Variants in ARHGEF4 observed in about 807,000 individuals in gnomAD.
ARHGEF4 encodes APC-stimulated guanine nucleotide exchange factor 1.
ARHGEF4 carries 119 observed loss-of-function variants against 162.0 expected under a neutral mutation model. The ratio of observed to expected loss-of-function variants is 0.73; its 90% CI spans 0.63 to 0.86. The LOEUF (loss-of-function observed/expected upper bound fraction) is 0.86. Ranked by LOEUF, ARHGEF4 falls within the 40% of genes least tolerant of loss-of-function variation. ARHGEF4 has a pLI of 0.00. For synonymous variants in ARHGEF4, 1,014 were observed against 979.9 expected (o/e 1.03, Z -0.65); for missense variants, 2,488 against 2,456.0 (o/e 1.01, Z -0.28).
At chr2:130,870,294 T>A (rs1678376622) in intron 1 of ARHGEF4, among the ~76,000 whole-genome samples, 1 of 152,052 alleles carries the variant, frequency 6.6e-6, no homozygotes, top group Admixed American at 6.5e-5. Flanking sequence ...GGTAGGCCCT[T>A]TGGTAGGACT....
At chr2:130,885,736 AT>A (rs1175821056) in intron 1 of ARHGEF4, among the ~76,000 whole-genome samples, 1 of 150,852 alleles carries the variant, frequency 6.6e-6, no homozygotes, top group Non-Finnish European at 1.5e-5. Flanking sequence ...TGCCTGGCTA[AT>A]TTTTTTGTAT....
intron 11 of ARHGEF4, 143 bp from the exon 12 acceptor site, chr2:131,044,156 C>A: frequency 8.0e-7 from 1 of 1,252,810 alleles, no homozygotes; most frequent in Non-Finnish European, 1.1e-6. Context: ...AAGGCATGCT[C>A]TGCCCTCAGG....
intron 4 of ARHGEF4, among the ~76,000 whole-genome samples, chr2:131,023,978 G>T (rs1355330882): frequency 2.6e-5 from 4 of 152,214 alleles, no homozygotes; most frequent in African/African-American, 9.6e-5. Flanking sequence ...ACACATAGCA[G>T]CTGGGATAGA....
chr2:130,992,498 G>C (rs1350803995), intron 4 of ARHGEF4, among the ~76,000 whole-genome samples: 1 of 151,962 alleles, frequency 6.6e-6, no homozygotes, highest in African/African-American at 2.4e-5. Context: ...AACACTCACG[G>C]GGAAGGTCTG....
At position 130,930,939 on chromosome 2, in the gene ARHGEF4, C is replaced by A; in HGVS notation, c.3553-13C>A. On this transcript the variant is annotated splice_polypyrimidine_tract_variant and intron_variant, in intron 2 of 13. Coordinates refer to ENST00000409359, the MANE Select transcript of ARHGEF4 (RefSeq NM_001367493.1). ...TGACCTCTGACCCCTGACCCGTTCT[C>A]TCTGCTCTCCAGAACCACATGCCCT... The A allele has an allele frequency of 1.3e-6, 2 of 1,594,340 alleles. No homozygotes were observed. Among genetic ancestry groups the A allele is most frequent in the Non-Finnish European group, 1.7e-6 (2 of 1,166,378 alleles).
At chr2:131,002,742 G>A (rs895065746) in intron 4 of ARHGEF4, among the ~76,000 whole-genome samples, 5 of 136,136 alleles carry the variant, frequency 3.7e-5, no homozygotes, top group Admixed American at 2.2e-4. Context: ...AAAAAAAAAA[G>A]GGTTGTGGGG....
intron 1 of ARHGEF4, among the ~76,000 whole-genome samples, chr2:130,886,316 G>C (rs1395242340): frequency 6.6e-6 from 1 of 151,684 alleles, no homozygotes; most frequent in Non-Finnish European, 1.5e-5. Context: ...TTAAGATCAA[G>C]GAGGTATTAA....
Position 130,897,312 on chromosome 2 carries a change from G to C in ARHGEF4, c.40-16674G>C, listed in dbSNP as rs572856187. 1.3e-3 allele frequency among the ~76,000 whole-genome samples: 203 copies of C among 152,304 alleles called. 1 individual carries two copies. The highest frequency in any genetic ancestry group is 4.3e-3 in the African/African-American group (179 of 41,568). Reference sequence around the variant, plus strand: ...GCTCTGGAAATGTTAGCGCCTCCTGGGAGACGCATGGTGGGCCTGTGGATT... The same window carrying C: ...GCTCTGGAAATGTTAGCGCCTCCTGCGAGACGCATGGTGGGCCTGTGGATT... On this transcript the variant is annotated intron_variant, in intron 1 of 13. Transcript: ENST00000409359.
At chr2:130,984,381 C>T (rs981086627) in intron 4 of ARHGEF4, among the ~76,000 whole-genome samples, 3 of 152,116 alleles carry the variant, frequency 2.0e-5, no homozygotes, top group East Asian at 1.9e-4. Context: ...TGTGGCCAAA[C>T]GGTATTGCAA....
intron 1 of ARHGEF4, among the ~76,000 whole-genome samples, chr2:130,845,037 T>C (rs1680860039): frequency 6.6e-6 from 1 of 151,638 alleles, no homozygotes; most frequent in African/African-American, 2.4e-5. Flanking sequence ...TTGGCCAGGC[T>C]GGTCTCGAAC....
chr2:130,877,144 G>A (rs1297694768), intron 1 of ARHGEF4, among the ~76,000 whole-genome samples: 1 of 152,184 alleles, frequency 6.6e-6, no homozygotes, highest in African/African-American at 2.4e-5. Flanking sequence ...CTGCGTAGAA[G>A]CGGTGCTCCC....
intron 1 of ARHGEF4, among the ~76,000 whole-genome samples, chr2:130,870,204 C>T (rs1678369317): frequency 6.6e-6 from 1 of 152,162 alleles, no homozygotes. Flanking sequence ...TCTTGTGGCA[C>T]CTCCTCCCCA....
intron 5 of ARHGEF4, among the ~76,000 whole-genome samples, chr2:131,029,299 C>T (rs1308493675): frequency 6.6e-6 from 1 of 152,040 alleles, no homozygotes; most frequent in African/African-American, 2.4e-5. Context: ...GCAGAGGTTG[C>T]AGTGAGCCAA....
chr2:130,993,558 A>T (rs1016954349), intron 4 of ARHGEF4, among the ~76,000 whole-genome samples: 9 of 151,856 alleles, frequency 5.9e-5, no homozygotes, highest in African/African-American at 1.9e-4. Flanking sequence ...TAGGATTTTT[A>T]TTTTTTTCTA....
chr2:130,898,564 G>A (rs941459768), intron 1 of ARHGEF4, among the ~76,000 whole-genome samples: 4 of 152,176 alleles, frequency 2.6e-5, no homozygotes, highest in Admixed American at 1.3e-4. Flanking sequence ...TCCTGAGGCA[G>A]CAGCACTGCT....
intron 4 of ARHGEF4, among the ~76,000 whole-genome samples, chr2:130,997,274 C>T (rs536238213): frequency 6.6e-6 from 1 of 152,292 alleles, no homozygotes; most frequent in Non-Finnish European, 1.5e-5. Flanking sequence ...ATACAACCTT[C>T]TAGCAGGTTG....
intron 3 of ARHGEF4, among the ~76,000 whole-genome samples, chr2:130,940,538 A>C (rs947682844): frequency 6.6e-6 from 1 of 150,682 alleles, no homozygotes; most frequent in Non-Finnish European, 1.5e-5. Flanking sequence ...CTCGGATGGT[A>C]GTATGAAAAT....
chr2:131,045,982 T>G, intron 13 of ARHGEF4, 56 bp from the exon 14 acceptor site: 2 of 1,565,730 alleles, frequency 1.3e-6, no homozygotes, highest in Non-Finnish European at 1.7e-6. Flanking sequence ...CCCCAACAGC[T>G]GGGGTGGCAC....
rs58266524 is a variant in ARHGEF4 at position 130,918,990 on chromosome 2, T to C, written c.3552+1492T>C. On this transcript the variant is annotated intron_variant, in intron 2 of 13. Coordinates refer to ENST00000409359, the MANE Select transcript of ARHGEF4 (RefSeq NM_001367493.1). ...CTATACTAAGGTGTCTCATCTTTCA[T>C]TGTGTTCTCACACAGGGCTTATGGG... 1.8e-3 allele frequency among the ~76,000 whole-genome samples: 272 copies of C among 152,346 alleles called. 2 individuals are homozygous for C. The highest frequency in any genetic ancestry group is 6.3e-3 in the African/African-American group (262 of 41,576).
Sources: gnomAD v4.1 joint callset for allele counts (sites outside exome capture counted in the v4.1 genomes callset) on GRCh38, gnomAD v4.1.1 for gene constraint, MANE v1.5 for transcripts, NCBI Gene and HGNC (gene_info 2026-07-23, HGNC 2026-07-21) for gene names.